The following DHX9 variants were observed in gnomAD, a reference collection of about 807,000 sequenced individuals.
DHX9 encodes ATP-dependent RNA helicase A.
DHX9 carries 27 observed loss-of-function variants against 148.7 expected under a neutral mutation model. The observed-to-expected ratio is 0.18, with a 90% confidence interval of 0.13 to 0.25. DHX9 has a LOEUF of 0.25. DHX9 is among the 10% of genes least tolerant of loss of function. The pLI is 1.00. For synonymous variants in DHX9, 529 were observed against 516.6 expected (o/e 1.02, Z -0.33); for missense variants, 796 against 1,559.6 (o/e 0.51, Z 8.25).
intron 2 of DHX9, 80 bp from the exon 3 acceptor site, chr1:182,843,214 A>C (rs1667963416): frequency 3.5e-6 from 4 of 1,134,550 alleles, no homozygotes; most frequent in Non-Finnish European, 3.5e-6. Flanking sequence ...GTTGTCTCTT[A>C]ATGGACTACT....
At chr1:182,843,882 C>G (rs1667976675) in intron 3 of DHX9, among the ~76,000 whole-genome samples, 1 of 152,220 alleles carries the variant, frequency 6.6e-6, no homozygotes, top group Non-Finnish European at 1.5e-5. Context: ...ACTGCAGCCT[C>G]AAACTCTTGG....
At chr1:182,883,441 A>AT (rs1649176733) in intron 25 of DHX9, 73 bp downstream of exon 25, 1 of 1,580,084 alleles carries the variant, frequency 6.3e-7, no homozygotes, top group South Asian at 1.1e-5. Context: ...ATGAATTTTG[A>AT]TTTTCAAAGC....
At position 182,866,513 on chromosome 1, in the gene DHX9, A is replaced by G; in HGVS notation, c.1402A>G (p.Ser468Gly). The change falls in exon 13 of 28, where the codon AGC (serine) becomes GGC (glycine). Residue 468 changes from serine to glycine, a missense_variant. Physicochemically the swap from Ser to Gly is moderately conservative, Grantham distance 56. Around this residue, in one of 14 missense-constraint regions of DHX9, gnomAD observed 58 missense variants for 122.8 expected, o/e 0.47. Transcript: ENST00000367549. ...AFERGEEPGK[S>G]CGYSVRFESI... ...TGAAAGAGGAGAAGAGCCTGGAAAA[A>G]GCTGTGGCTACAGCGTTCGATTTGA... 1 of 1,614,168 alleles carries G rather than the reference A, an allele frequency of 6.2e-7. No individual in the cohort carries two copies. The highest frequency in any genetic ancestry group is 8.5e-7 in the Non-Finnish European group (1 of 1,180,016).
At position 182,873,597 on chromosome 1, in the gene DHX9, C is replaced by CA. The variant is rs150213734; in HGVS notation, c.1714+1107dup. Reference sequence around the variant, plus strand: ...AAACCGTATGTTACTGGATTATACTCAAAGAGATCAGTACGAACGTGTGTT... The same window carrying CA: ...AAACCGTATGTTACTGGATTATACTCAAAAGAGATCAGTACGAACGTGTGTT... On this transcript the variant is annotated intron_variant, in intron 15 of 27. Coordinates refer to ENST00000367549, the MANE Select transcript of DHX9 (RefSeq NM_001357.5). 2.8e-3 allele frequency among the ~76,000 whole-genome samples: 427 copies of CA among 152,250 alleles called. 4 individuals are homozygous for CA. The highest frequency in any genetic ancestry group is 9.8e-3 in the African/African-American group (409 of 41,526).
intron 14 of DHX9, among the ~76,000 whole-genome samples, chr1:182,868,593 C>CA (rs1027613893): frequency 2.3e-4 from 34 of 146,032 alleles, no homozygotes; most frequent in African/African-American, 7.8e-4. Flanking sequence ...CGGCTCACTG[C>CA]AACTTCTGCC....
At chr1:182,853,456 G>C (rs1437102545) in intron 5 of DHX9, 38 bp downstream of exon 5, 1 of 1,471,804 alleles carries the variant, frequency 6.8e-7, no homozygotes, top group South Asian at 1.2e-5. Flanking sequence ...CTGAGAATGT[G>C]ATTTGGGACT....
chr1:182,870,422 A>G (rs1012715250), intron 14 of DHX9, among the ~76,000 whole-genome samples: 35 of 152,232 alleles, frequency 2.3e-4, no homozygotes, highest in African/African-American at 7.5e-4. Flanking sequence ...TTTGAAGCTA[A>G]AATAATCGAG....
At chr1:182,881,132 A>T in intron 22 of DHX9, 132 bp from the exon 23 acceptor site, 2 of 898,838 alleles carry the variant, frequency 2.2e-6, no homozygotes, top group Non-Finnish European at 3.3e-6. Context: ...GTTCTTTGTT[A>T]AGCCAGTTTC....
chr1:182,863,081 A>T (rs887842354), intron 12 of DHX9, among the ~76,000 whole-genome samples: 1 of 152,218 alleles, frequency 6.6e-6, no homozygotes, highest in African/African-American at 2.4e-5. Context: ...GGACAGTTGG[A>T]ACTATTCTTC....
At chr1:182,841,974 A>G (rs1230619715) in intron 1 of DHX9, among the ~76,000 whole-genome samples, 1 of 152,248 alleles carries the variant, frequency 6.6e-6, no homozygotes, top group African/African-American at 2.4e-5. Flanking sequence ...ATGGCCTACA[A>G]CTTTGGGGAC....
At chr1:182,860,323 AAAC>A (rs1413120021) in intron 12 of DHX9, 139 bp downstream of exon 12, 5 of 722,522 alleles carry the variant, frequency 6.9e-6, no homozygotes, top group Non-Finnish European at 1.1e-5. Flanking sequence ...GAAAACATAA[AAAC>A]AACGTAGTCT....
At chr1:182,853,924 C>T in intron 5 of DHX9, 106 bp from the exon 6 acceptor site, 1 of 1,016,976 alleles carries the variant, frequency 9.8e-7, no homozygotes, top group East Asian at 2.4e-5. Context: ...TCAAAAACAG[C>T]TTTTGCATTA....
intron 7 of DHX9, among the ~76,000 whole-genome samples, chr1:182,857,312 A>G (rs1668271435): frequency 6.6e-6 from 1 of 152,184 alleles, no homozygotes; most frequent in Non-Finnish European, 1.5e-5. Flanking sequence ...TTTGCTTTAT[A>G]TTCATCTCTC....
rs777935940 is a variant in DHX9 at position 182,883,120 on chromosome 1, A to G, written c.2915-19A>G. ...AGCCAGTTATCTGATTTTTGTTTTC[A>G]CTGTGCTCCTCTTAACAGATTGTTT... On this transcript the variant is annotated intron_variant, in intron 24 of 27. Coordinates refer to ENST00000367549, the MANE Select transcript of DHX9 (RefSeq NM_001357.5). The G allele has an allele frequency of 8.8e-6, 14 of 1,582,618 alleles. No homozygotes were observed. The highest frequency in any genetic ancestry group is 1.1e-5 in the Non-Finnish European group (13 of 1,152,238).
rs1005337244 is a variant in DHX9 at position 182,887,295 on chromosome 1, G to T, written c.3674G>T (p.Gly1225Val). 6.2e-7 allele frequency: 1 copy of T among 1,614,158 alleles called. No individual in the cohort carries two copies. Among genetic ancestry groups the T allele is most frequent in the East Asian group, 2.2e-5 (1 of 44,866 alleles). ...GGGYRGVSRG[G>V]FRGNSGGDYR... ...GGCTATAGAGGAGTTTCCCGAGGTGGCTTTAGAGGCAACTCTGGAGGAGAC... is the reference window on the plus strand; with the variant it reads ...GGCTATAGAGGAGTTTCCCGAGGTGTCTTTAGAGGCAACTCTGGAGGAGAC... The change falls in exon 28 of 28, where the codon GGC becomes GTC. Residue 1225 changes from glycine (G) to valine (V), a missense_variant. Physicochemically the swap from Gly to Val is moderately radical, Grantham distance 109. Coordinates refer to ENST00000367549, the MANE Select transcript of DHX9 (RefSeq NM_001357.5).
At chr1:182,848,443 C>T (rs1668071335) in intron 3 of DHX9, among the ~76,000 whole-genome samples, 1 of 152,200 alleles carries the variant, frequency 6.6e-6, no homozygotes, top group Non-Finnish European at 1.5e-5. Flanking sequence ...AAACCTTGTT[C>T]CAACGTAATT....
chr1:182,864,950 T>A (rs1648224367), intron 12 of DHX9, among the ~76,000 whole-genome samples: 1 of 152,172 alleles, frequency 6.6e-6, no homozygotes, highest in South Asian at 2.1e-4. Flanking sequence ...ATCGTAGACT[T>A]GAAAATAACC....
Position 182,884,823 on chromosome 1 carries a change from A to G in DHX9, c.3461+10A>G. On this transcript the variant is annotated intron_variant, in intron 27 of 27. Transcript: ENST00000367549. ...TGATTGGCAGTACACGGTGAGTACC[A>G]ATATACTTCTTACTGAACCAAGTAG... 2 of 1,613,518 alleles carry G rather than the reference A, an allele frequency of 1.2e-6. No homozygotes were observed. The highest frequency in any genetic ancestry group is 4.5e-5 in the East Asian group (2 of 44,872).
At chr1:182,853,659 C>G (rs1469149049) in intron 5 of DHX9, among the ~76,000 whole-genome samples, 1 of 152,050 alleles carries the variant, frequency 6.6e-6, no homozygotes, top group East Asian at 1.9e-4. Flanking sequence ...AAGATCTCCT[C>G]TTCAGCTTTA....
Sources: gnomAD v4.1 joint callset for allele counts (sites outside exome capture counted in the v4.1 genomes callset) on GRCh38, gnomAD v4.1.1 for gene constraint, gnomAD v4.1.1 regional missense constraint, MANE v1.5 for transcripts, NCBI Gene and HGNC (gene_info 2026-07-23, HGNC 2026-07-21) for gene names.